The following LRP1B variants were observed in gnomAD, a reference collection of about 807,000 sequenced individuals.
The protein encoded by LRP1B is low-density lipoprotein receptor-related protein 1B.
In LRP1B, 217 loss-of-function variants were observed where a neutral mutation model predicts 556.6. The ratio of observed to expected loss-of-function variants is 0.39; its 90% confidence interval spans 0.35 to 0.44. The LOEUF is 0.44. Among genes scored for constraint, LRP1B ranks in the 20% least tolerant of loss-of-function variants. LRP1B has a pLI of 1.00. For missense variants in LRP1B, 5,053 were observed against 5,620.8 expected, an observed-to-expected ratio of 0.90 and a Z score of 3.23; for synonymous variants, 2,047 against 1,865.8, an observed-to-expected ratio of 1.10 and a Z score of -2.50.
chr2:140,456,391 G>A (rs948148029), intron 62 of LRP1B, 64 bp downstream of exon 62: 5 of 1,478,052 alleles, frequency 3.4e-6, no homozygotes, highest in Non-Finnish European at 4.6e-6. Flanking sequence ...TCAATGTTAT[G>A]CTAAACAAAA....
chr2:141,517,896 GCA>G (rs1418847895), intron 2 of LRP1B, among the ~76,000 whole-genome samples: 1 of 152,118 alleles, frequency 6.6e-6, no homozygotes, highest in African/African-American at 2.4e-5. Context: ...TTCTTTTGAA[GCA>G]AACTTTATAC....
chr2:140,276,638 T>C (rs1269398902), intron 84 of LRP1B, among the ~76,000 whole-genome samples: 1 of 151,964 alleles, frequency 6.6e-6, no homozygotes, highest in Non-Finnish European at 1.5e-5. Context: ...AAGATACCTC[T>C]AACTCATAAA....
Position 141,251,888 on chromosome 2 carries a change from G to A in LRP1B, c.463+2634C>T, listed in dbSNP as rs572405856. Reference sequence around the variant, plus strand: ...AATGGTCAAGGGCACTGTAGCAGAAGCTGTCTGCTCATATCCCTCAGAGTG... The same window carrying A: ...AATGGTCAAGGGCACTGTAGCAGAAACTGTCTGCTCATATCCCTCAGAGTG... On this transcript the variant is annotated intron_variant, in intron 4 of 90. Transcript: ENST00000389484. Among the ~76,000 whole-genome samples, 5 of 152,224 alleles carry A rather than the reference G, an allele frequency of 3.3e-5. No individual in the cohort carries two copies. The East Asian group carries it at 7.7e-4, about 24-fold the overall frequency.
intron 27 of LRP1B, among the ~76,000 whole-genome samples, chr2:140,861,700 C>G (rs1692803209): frequency 6.6e-6 from 1 of 152,198 alleles, no homozygotes; most frequent in Non-Finnish European, 1.5e-5. Context: ...TAGCTAATGT[C>G]AGACCTATTT....
chr2:141,744,017 T>A (rs1477378744), intron 2 of LRP1B, among the ~76,000 whole-genome samples: 1 of 152,044 alleles, frequency 6.6e-6, no homozygotes, highest in African/African-American at 2.4e-5. Flanking sequence ...TCTTTATTAT[T>A]TCTTTTCTTC....
intron 2 of LRP1B, among the ~76,000 whole-genome samples, chr2:141,664,419 T>C (rs1462800654): frequency 6.6e-6 from 1 of 152,172 alleles, no homozygotes; most frequent in East Asian, 1.9e-4. Context: ...ATTCAGCCTG[T>C]GTCTGTTTGC....
intron 77 of LRP1B, among the ~76,000 whole-genome samples, chr2:140,344,306 AAAAG>A (rs1681542791): frequency 6.6e-6 from 1 of 151,812 alleles, no homozygotes; most frequent in African/African-American, 2.4e-5. Flanking sequence ...GAACCAATTC[AAAAG>A]AAAGATGCCT....
chr2:140,969,332 A>C (rs1176622203), intron 18 of LRP1B, among the ~76,000 whole-genome samples: 3 of 152,146 alleles, frequency 2.0e-5, no homozygotes, highest in Non-Finnish European at 4.4e-5. Context: ...CTGTTTTATC[A>C]GAGACTAGGA....
intron 2 of LRP1B, among the ~76,000 whole-genome samples, chr2:141,527,335 C>A (rs962062189): frequency 6.6e-6 from 1 of 151,850 alleles, no homozygotes; most frequent in South Asian, 2.1e-4. Flanking sequence ...TAAGTTTCTT[C>A]CATGTAAAGA....
chr2:141,008,873 A>C (rs903029862), intron 14 of LRP1B, among the ~76,000 whole-genome samples: 1 of 151,984 alleles, frequency 6.6e-6, no homozygotes, highest in Non-Finnish European at 1.5e-5. Context: ...ACTTCCAAAG[A>C]ATGGGAGTAA....
At chr2:140,888,159 T>G (rs1278912408) in intron 23 of LRP1B, among the ~76,000 whole-genome samples, 1 of 152,180 alleles carries the variant, frequency 6.6e-6, no homozygotes, top group Admixed American at 6.5e-5. Flanking sequence ...AATTTTTTAC[T>G]CATTTAGAGT....
At chr2:140,450,888 A>G (rs1686857619) in intron 62 of LRP1B, among the ~76,000 whole-genome samples, 2 of 152,142 alleles carry the variant, frequency 1.3e-5, no homozygotes, top group African/African-American at 4.8e-5. Flanking sequence ...GCAAACACAG[A>G]CAATCTCTCA....
chr2:141,209,997 C>G (rs1285468737), intron 6 of LRP1B, among the ~76,000 whole-genome samples: 1 of 151,674 alleles, frequency 6.6e-6, no homozygotes, highest in African/African-American at 2.4e-5. Flanking sequence ...AACTCACTCC[C>G]AAATACTGTG....
intron 66 of LRP1B, among the ~76,000 whole-genome samples, chr2:140,390,768 T>TCA (rs70985096): frequency 0.071 from 10,193 of 143,680 alleles, 405 homozygotes; most frequent in East Asian, 0.18. Flanking sequence ...AATAGAAACT[T>TCA]CACACACACA....
chr2:141,710,723 C>T (rs1180350542), intron 2 of LRP1B, among the ~76,000 whole-genome samples: 1 of 152,072 alleles, frequency 6.6e-6, no homozygotes, highest in Non-Finnish European at 1.5e-5. Context: ...AAAGATTCTC[C>T]AACTAAGATT....
intron 13 of LRP1B, among the ~76,000 whole-genome samples, chr2:141,014,572 G>C (rs780580354): frequency 2.0e-5 from 3 of 152,110 alleles, no homozygotes; most frequent in Non-Finnish European, 4.4e-5. Context: ...TAATATTAGA[G>C]AATTGAGAAA....
At chr2:140,309,721 T>C (rs947088071) in intron 83 of LRP1B, among the ~76,000 whole-genome samples, 1 of 151,806 alleles carries the variant, frequency 6.6e-6, no homozygotes, top group South Asian at 2.1e-4. Context: ...AAAACAATAA[T>C]ACATGTTAAT....
At chr2:140,269,401 T>C in intron 86 of LRP1B, 1 of 468,930 alleles carries the variant, frequency 2.1e-6, no homozygotes, top group Non-Finnish European at 4.4e-6. Flanking sequence ...TTCAGTAAAA[T>C]ACAGCTAAAT....
chr2:140,630,714 C>T (rs144721720), intron 41 of LRP1B, among the ~76,000 whole-genome samples: 26 of 152,200 alleles, frequency 1.7e-4, no homozygotes, highest in African/African-American at 6.0e-4. Flanking sequence ...GAAAAGTAAG[C>T]GTTTAAAAAA....
Sources: gnomAD v4.1 joint callset for allele counts (sites outside exome capture counted in the v4.1 genomes callset) on GRCh38, gnomAD v4.1.1 for gene constraint, MANE v1.5 for transcripts, NCBI Gene and HGNC (gene_info 2026-07-23, HGNC 2026-07-21) for gene names.